CCDC73: variants seen among roughly 807,000 people sequenced by gnomAD.
CCDC73 encodes coiled-coil domain-containing protein 73.
In CCDC73, 95 loss-of-function variants were observed where a neutral mutation model predicts 116.5. The observed-to-expected ratio is 0.82, with a 90% confidence interval of 0.69 to 0.97. The LOEUF (loss-of-function observed/expected upper bound fraction) is 0.97, where lower values mean the gene tolerates loss of function less well. Ranked by LOEUF, CCDC73 falls within the 50% of genes least tolerant of loss-of-function variation. The probability of loss-of-function intolerance (pLI) is 0.00; values close to 1 mark genes in which losing one functional copy is unlikely to be tolerated. For synonymous variants in CCDC73, 398 were observed against 401.3 expected (o/e 0.99, Z 0.10); for missense variants, 1,066 against 1,206.8 (o/e 0.88, Z 1.73).
intron 1 of CCDC73, among the ~76,000 whole-genome samples, chr11:32,762,924 C>T (rs562913896): frequency 1.1e-4 from 16 of 152,258 alleles, no homozygotes; most frequent in African/African-American, 3.1e-4. Flanking sequence ...TCCAAGGGTC[C>T]TAGCAAACGG....
chr11:32,619,845 G>A (rs1218504819), intron 14 of CCDC73, among the ~76,000 whole-genome samples: 4 of 143,994 alleles, frequency 2.8e-5, no homozygotes, highest in African/African-American at 1.0e-4. Context: ...ATGAGGAAGA[G>A]GAGGAAAAGT....
In CCDC73 at chr11:32,617,150, G is replaced by A. The variant is rs773470575; in HGVS notation, c.1186-1021C>T. On this transcript the variant is annotated intron_variant, in intron 14 of 17. Coordinates refer to ENST00000335185, the MANE Select transcript of CCDC73 (RefSeq NM_001008391.4). ...GATAAATGAGGCTTGAGGTAAGCTG[G>A]GCCGAGGTCATTAAGGGCCTAACAT... Among the ~76,000 whole-genome samples the A allele has an allele frequency of 2.2e-4, 33 of 152,092 alleles. 1 individual carries two copies. The highest frequency in any genetic ancestry group is 2.1e-4 in the Non-Finnish European group (14 of 68,014).
intron 13 of CCDC73, among the ~76,000 whole-genome samples, chr11:32,636,473 T>C (rs570691471): frequency 6.6e-6 from 1 of 152,182 alleles, no homozygotes; most frequent in Non-Finnish European, 1.5e-5. Flanking sequence ...AAAGGAGTAC[T>C]CTCACAGAAG....
the CCDC73 span, among the ~76,000 whole-genome samples, chr11:32,804,105 CAACCTA>C: frequency 1.3e-5 from 2 of 151,936 alleles, no homozygotes; most frequent in African/African-American, 4.8e-5. Context: ...CCACCACACC[CAACCTA>C]AACCTGGTAT....
chr11:32,688,481 T>G (rs1856225599), intron 6 of CCDC73, among the ~76,000 whole-genome samples: 1 of 152,184 alleles, frequency 6.6e-6, no homozygotes, highest in African/African-American at 2.4e-5. Context: ...CTAAACTAGA[T>G]CCTTTTGTTA....
chr11:32,793,642 G>A (rs533810579), intron 1 of CCDC73, among the ~76,000 whole-genome samples: 12 of 151,802 alleles, frequency 7.9e-5, no homozygotes, highest in East Asian at 7.7e-4. Flanking sequence ...ACAGAGTCTC[G>A]CTCTGTTGCC....
intron 2 of CCDC73, among the ~76,000 whole-genome samples, chr11:32,732,973 C>A (rs576910548): frequency 6.6e-6 from 1 of 152,256 alleles, no homozygotes; most frequent in South Asian, 2.1e-4. Flanking sequence ...CACAGACTGG[C>A]AAATTGGATA....
At chr11:32,722,443 A>C (rs1015084352) in intron 2 of CCDC73, among the ~76,000 whole-genome samples, 4 of 152,186 alleles carry the variant, frequency 2.6e-5, no homozygotes, top group Admixed American at 1.3e-4. Flanking sequence ...GTGAGGACTT[A>C]TCTGACTCAC....
rs544119996 is a variant in CCDC73, at chr11:32,637,168, C to T, written c.1051-1338G>A. Among the ~76,000 whole-genome samples the T allele has an allele frequency of 1.8e-4, 28 of 151,864 alleles. No homozygotes were observed. In the South Asian group the frequency reaches 2.7e-3, roughly 15 times the overall value. ...CCGAACAGCTGGGCTTACAGGCTTG[C>T]ACCACCACGCCCAGCTAATTTTTGT... On this transcript the variant is annotated intron_variant, in intron 13 of 17. Transcript: ENST00000335185.
intron 2 of CCDC73, among the ~76,000 whole-genome samples, chr11:32,733,567 G>A (rs927768511): frequency 6.6e-6 from 1 of 152,072 alleles, no homozygotes; most frequent in Non-Finnish European, 1.5e-5. Context: ...ATAACAAACT[G>A]TCTCTCAGAC....
In CCDC73 at chr11:32,709,798, T is replaced by C. The variant is rs185970481; in HGVS notation, c.208-6854A>G. Among the ~76,000 whole-genome samples, 3 of 152,358 alleles carry C rather than the reference T, an allele frequency of 2.0e-5. No homozygotes were observed. The East Asian group carries it at 5.8e-4, about 29-fold the overall frequency. On this transcript the variant is annotated intron_variant, in intron 3 of 17. Transcript: ENST00000335185. The stretch of plus-strand genomic sequence containing the variant: ...GCAGGATTGGTACCAATACTTTGAA[T>C]GTCTGACAGAATTCAGCTGTGAATC...
chr11:32,826,646 C>CAAAAAAAAAAAAAAA, the CCDC73 span, among the ~76,000 whole-genome samples: 1 of 63,512 alleles, frequency 1.6e-5, no homozygotes. Flanking sequence ...GATAATAACT[C>CAAAAAAAAAAAAAAA]AAAAAAAAAA....
chr11:32,814,911 G>A, the CCDC73 span, among the ~76,000 whole-genome samples: 1 of 152,162 alleles, frequency 6.6e-6, no homozygotes, highest in African/African-American at 2.4e-5. Flanking sequence ...CATGCTAAGT[G>A]AAAGAAGCCA....
intron 3 of CCDC73, among the ~76,000 whole-genome samples, chr11:32,705,989 C>A: frequency 7.1e-6 from 1 of 141,738 alleles, no homozygotes; most frequent in Non-Finnish European, 1.5e-5. Flanking sequence ...ATAATACTGT[C>A]TGTACCCAGA....
intron 3 of CCDC73, among the ~76,000 whole-genome samples, chr11:32,711,560 A>G (rs1031023801): frequency 2.0e-5 from 3 of 150,980 alleles, no homozygotes; most frequent in Admixed American, 1.3e-4. Flanking sequence ...GAGCTAAGCT[A>G]TGAGCACACA....
intron 17 of CCDC73, chr11:32,604,580 T>A (rs766909905): frequency 6.6e-6 from 1 of 152,250 alleles, no homozygotes; most frequent in African/African-American, 2.4e-5. Flanking sequence ...TTGGTTTATA[T>A]GCTATGTTAA....
chr11:32,725,261 C>A (rs538428094), intron 2 of CCDC73, among the ~76,000 whole-genome samples: 1 of 152,086 alleles, frequency 6.6e-6, no homozygotes, highest in African/African-American at 2.4e-5. Context: ...GACCATATTT[C>A]CATAATTTTT....
chr11:32,772,595 A>G (rs144330726), intron 1 of CCDC73, among the ~76,000 whole-genome samples: 49 of 152,338 alleles, frequency 3.2e-4, no homozygotes, highest in African/African-American at 1.0e-3. Context: ...ACAAGCTTCA[A>G]GTATCTCAGA....
chr11:32,809,412 A>G, the CCDC73 span, among the ~76,000 whole-genome samples: 3 of 152,208 alleles, frequency 2.0e-5, no homozygotes, highest in Non-Finnish European at 2.9e-5. Context: ...TTAGGACGCT[A>G]GGGGGCGGAG....
Sources: gnomAD v4.1 joint callset for allele counts (sites outside exome capture counted in the v4.1 genomes callset) on GRCh38, gnomAD v4.1.1 for gene constraint, MANE v1.5 for transcripts, NCBI Gene and HGNC (gene_info 2026-07-23, HGNC 2026-07-21) for gene names.